Variants in RBP3 observed in about 807,000 individuals in gnomAD.
The protein encoded by RBP3 is retinol binding protein 3, also known as retinol-binding protein 3.
A neutral mutation model predicts 64.8 loss-of-function variants in RBP3; 50 were observed. The ratio of observed to expected loss-of-function variants is 0.77; its 90% CI spans 0.61 to 0.98. RBP3 has a LOEUF of 0.98. Among genes scored for constraint, RBP3 ranks in the 50% least tolerant of loss-of-function variants. The probability of loss-of-function intolerance (pLI) is 0.00; values close to 1 mark genes in which losing one functional copy is unlikely to be tolerated. For synonymous variants in RBP3, 828 were observed against 730.2 expected, an observed-to-expected ratio of 1.13 and a Z score of -2.16; for missense variants, 1,712 against 1,660.5, an observed-to-expected ratio of 1.03 and a Z score of -0.54.
chr10:47,357,163 C>T lies in RBP3; in HGVS notation c.3450C>T (p.Thr1150=), dbSNP rs555982757. 19 of 1,613,570 alleles carry T rather than the reference C, an allele frequency of 1.2e-5. No homozygotes were observed. In the East Asian group the frequency reaches 1.8e-4, roughly 15 times the overall value. The change falls in exon 4 of 4, where the codon ACC becomes ACT. Residue 1150 remains threonine (T), a synonymous_variant. Coordinates refer to ENST00000584701, the MANE Select transcript of RBP3 (RefSeq NM_002900.3). The stretch of plus-strand genomic sequence containing the variant: ...TGACCAGCAGTGTGACGGCCGGCAC[C>T]GCGGAGGAGTTCACCTATATCATGA... ...VILTSSVTAG[T]AEEFTYIMKR...
At chr10:47,355,807 T>G (rs1837039387) in intron 3 of RBP3, among the ~76,000 whole-genome samples, 1 of 152,116 alleles carries the variant, frequency 6.6e-6, no homozygotes. Context: ...ATACCAAAAT[T>G]TCCCCCAGGC....
rs267602497 is a variant in RBP3, at chr10:47,349,564, C to T, written c.1080C>T (p.Ser360=). The change falls in exon 1 of 4, where the codon TCC becomes TCT. Residue 360 remains serine, a synonymous_variant. Coordinates refer to ENST00000584701, the MANE Select transcript of RBP3 (RefSeq NM_002900.3). ...LLQHLASMDF[S]TVVSEEDLVT... is the part of the protein sequence containing the mutation. The stretch of plus-strand genomic sequence containing the variant: ...AGCACTTGGCCAGCATGGACTTCTC[C>T]ACGGTGGTCTCCGAGGAAGATCTGG... The T allele has an allele frequency of 6.2e-7, 1 of 1,613,018 alleles. No individual in the cohort carries two copies. The highest frequency in any genetic ancestry group is 8.5e-7 in the Non-Finnish European group (1 of 1,180,020).
intron 1 of RBP3, 117 bp from the exon 2 acceptor site, chr10:47,353,208 C>A: frequency 1.1e-6 from 1 of 933,538 alleles, no homozygotes. Flanking sequence ...TCTACTAATT[C>A]CTTCAGAAAT....
chr10:47,349,062 T>C lies in RBP3; in HGVS notation c.578T>C (p.Ile193Thr), dbSNP rs1836900547. Residue 193 changes from isoleucine to threonine, a missense_variant, in exon 1 of 4, where the codon ATC (isoleucine) becomes ACC (threonine). Transcript: ENST00000584701. ...TCCTACCTGCACCCAGGGAACACCA[T>C]CCTGCACGTGGACACTATCTACAAC... ...IISYLHPGNT[I>T]LHVDTIYNRP... The C allele has an allele frequency of 1.2e-6, 2 of 1,613,812 alleles. No individual in the cohort carries two copies. The highest frequency in any genetic ancestry group is 2.2e-5 in the East Asian group (1 of 44,872).
chr10:47,349,952 C>A lies in RBP3; in HGVS notation c.1468C>A (p.Pro490Thr), dbSNP rs1836933240. The change falls in exon 1 of 4, where the codon CCC (proline) becomes ACC (threonine). Residue 490 changes from proline (P) to threonine (T), a missense_variant. Transcript: ENST00000584701. The stretch of plus-strand genomic sequence containing the variant: ...CCCTGGAGGGCCATCCTCTGCTGTG[C>A]CCCTGCTCCTGTCCTACTTCCAGGG... ...HNPGGPSSAV[P>T]LLLSYFQGPE... 6.2e-7 allele frequency: 1 copy of A among 1,612,498 alleles called. No homozygotes were observed.
Position 47,349,509 on chromosome 10 carries a change from C to G in RBP3, c.1025C>G (p.Thr342Arg). 1 of 1,613,020 alleles carries G rather than the reference C, an allele frequency of 6.2e-7. No individual in the cohort carries two copies. Among genetic ancestry groups the G allele is most frequent in the Non-Finnish European group, 8.5e-7 (1 of 1,180,018 alleles). The change falls in exon 1 of 4, where the codon ACG (threonine) becomes AGG (arginine). Residue 342 changes from threonine (T) to arginine (R), a missense_variant. Thr to Arg is a moderately conservative substitution (Grantham distance 71, BLOSUM62 -1). Coordinates refer to ENST00000584701, the MANE Select transcript of RBP3 (RefSeq NM_002900.3). ...CAGGAGGTCCTGAAGGACTACTACA[C>G]GCTGGTGGACCGTGTGCCCACCCTG... Reference protein sequence around the residue: ...CLQEVLKDYYTLVDRVPTLLQ... With the variant: ...CLQEVLKDYYRLVDRVPTLLQ...
chr10:47,353,887 G>A (rs782186323), intron 2 of RBP3, among the ~76,000 whole-genome samples: 7 of 152,184 alleles, frequency 4.6e-5, no homozygotes, highest in Admixed American at 1.3e-4. Context: ...GGACAGGCCC[G>A]ATAATCTCTA....
chr10:47,357,736 T>A lies in RBP3; in HGVS notation c.*279T>A, dbSNP rs555829433. On this transcript the variant is annotated 3_prime_UTR_variant, in exon 4 of 4. Coordinates refer to ENST00000584701, the MANE Select transcript of RBP3 (RefSeq NM_002900.3). ...TAAGTGGTAGAACTTGGGGTGGTATTTTTACCTTCCTTCTTCATACTTTGC... is the reference window on the plus strand; with the variant it reads ...TAAGTGGTAGAACTTGGGGTGGTATATTTACCTTCCTTCTTCATACTTTGC... The A allele has an allele frequency of 3.1e-6, 1 of 326,150 alleles. No individual in the cohort carries two copies. Among genetic ancestry groups the A allele is most frequent in the Non-Finnish European group, 5.6e-6 (1 of 179,140 alleles). The allele number at this position is 326,150 out of a possible 1,614,324, so 20.2% of individuals were successfully genotyped here.
intron 3 of RBP3, among the ~76,000 whole-genome samples, chr10:47,356,234 G>T (rs1263188278): frequency 7.2e-5 from 11 of 152,140 alleles, no homozygotes; most frequent in African/African-American, 2.7e-4. Context: ...CAGGCATTTT[G>T]CTGTAGCTCC....
At chr10:47,353,303 G>A (rs1555211773) in intron 1 of RBP3, 22 bp from the exon 2 acceptor site, 1 of 1,613,326 alleles carries the variant, frequency 6.2e-7, no homozygotes. Context: ...CTGACACTGA[G>A]TAGGACCTCC....
rs1232735514 is a variant in RBP3 at position 47,350,786 on chromosome 10, G to A, written c.2302G>A (p.Val768Ile). 7 of 1,613,110 alleles carry A rather than the reference G, an allele frequency of 4.3e-6. No individual in the cohort carries two copies. Among genetic ancestry groups the A allele is most frequent in the Non-Finnish European group, 5.9e-6 (7 of 1,180,020 alleles). ...KAVGPQLVRL[V>I]WQQLVDTAAL... ...CGTGGGGCCACAGCTGGTGCGGCTGGTATGGCAACAGCTGGTGGACACGGC... is the reference window on the plus strand; with the variant it reads ...CGTGGGGCCACAGCTGGTGCGGCTGATATGGCAACAGCTGGTGGACACGGC... Residue 768 changes from valine to isoleucine, a missense_variant, in exon 1 of 4, where the codon GTA (valine) becomes ATA (isoleucine). Coordinates refer to ENST00000584701, the MANE Select transcript of RBP3 (RefSeq NM_002900.3).
Position 47,348,985 on chromosome 10 carries a change from G to A in RBP3, c.501G>A (p.Leu167=), listed in dbSNP as rs1836898481. 1.2e-6 allele frequency: 2 copies of A among 1,613,998 alleles called. No individual in the cohort carries two copies. The highest frequency in any genetic ancestry group is 1.7e-6 in the Non-Finnish European group (2 of 1,180,022). Reference sequence around the variant, plus strand: ...TCATGGGCACCTCCGCCTTAGTGCTGGATCTCCGGCACTGCACAGGAGGCC... The same window carrying A: ...TCATGGGCACCTCCGCCTTAGTGCTAGATCTCCGGCACTGCACAGGAGGCC... ...GNLMGTSALV[L]DLRHCTGGQV... Residue 167 remains leucine, a synonymous_variant, in exon 1 of 4, where the codon CTG becomes CTA. Coordinates refer to ENST00000584701, the MANE Select transcript of RBP3 (RefSeq NM_002900.3).
chr10:47,356,467 G>A (rs991495076), intron 3 of RBP3, among the ~76,000 whole-genome samples: 1 of 152,278 alleles, frequency 6.6e-6, no homozygotes, highest in Admixed American at 6.5e-5. Flanking sequence ...GAAGTGTGAT[G>A]TGCTGGAAGT....
intron 1 of RBP3, among the ~76,000 whole-genome samples, chr10:47,352,283 C>A (rs1158441477): frequency 1.2e-4 from 18 of 152,200 alleles, no homozygotes; most frequent in Non-Finnish European, 2.5e-4. Flanking sequence ...CCAGGCATAG[C>A]CCTCTGCAGG....
chr10:47,351,362 A>G lies in RBP3; in HGVS notation c.2878A>G (p.Lys960Glu). 1 of 1,613,570 alleles carries G rather than the reference A, an allele frequency of 6.2e-7. No homozygotes were observed. ...CTATGCCTCTGCCGAGCTGGGGGCC[A>G]AGATGGCCACCAAACTGAGCGGTCT... The part of the protein sequence containing the change: ...DNYASAELGA[K>E]MATKLSGLQS... Residue 960 changes from lysine (K) to glutamate (E), a missense_variant, in exon 1 of 4, where the codon AAG (lysine) becomes GAG (glutamate). Coordinates refer to ENST00000584701, the MANE Select transcript of RBP3 (RefSeq NM_002900.3).
In RBP3 at chr10:47,357,624, G is replaced by A; in HGVS notation, c.*167G>A. The A allele has an allele frequency of 1.7e-6, 1 of 595,620 alleles. No individual in the cohort carries two copies. The highest frequency in any genetic ancestry group is 3.0e-6 in the Non-Finnish European group (1 of 333,556). 36.9% of individuals were successfully genotyped at this position (595,620 alleles called of 1,614,324 possible). ...TGTGTATATATACACACACACACAT[G>A]TATATACACATATATATGTGTATGT... On this transcript the variant is annotated 3_prime_UTR_variant, in exon 4 of 4. Coordinates refer to ENST00000584701, the MANE Select transcript of RBP3 (RefSeq NM_002900.3).
rs782331853 is a variant in RBP3, at chr10:47,350,773, G to T, written c.2289G>T (p.Gln763His). 1 of 1,612,964 alleles carries T rather than the reference G, an allele frequency of 6.2e-7. No homozygotes were observed. ...AGACAGTGAAGGCCGTGGGGCCACA[G>T]CTGGTGCGGCTGGTATGGCAACAGC... ...ELETVKAVGP[Q>H]LVRLVWQQLV... The change falls in exon 1 of 4, where the codon CAG becomes CAT. Residue 763 changes from glutamine to histidine, a missense_variant. By Grantham distance (24) the Gln-to-His change is conservative (BLOSUM62 0). Transcript: ENST00000584701.
intron 2 of RBP3, 40 bp downstream of exon 2, chr10:47,353,555 G>A (rs782058780): frequency 5.0e-6 from 8 of 1,602,774 alleles, no homozygotes; most frequent in African/African-American, 4.0e-5. Flanking sequence ...CCAGGACGCA[G>A]GGCTGCCAGG....
At position 47,357,753 on chromosome 10, in the gene RBP3, A is replaced by C. The variant is rs1555212112; in HGVS notation, c.*296A>C. 3.4e-6 allele frequency: 1 copy of C among 291,434 alleles called. No homozygotes were observed. The highest frequency in any genetic ancestry group is 6.4e-6 in the Non-Finnish European group (1 of 157,066). The allele number at this position is 291,434 out of a possible 1,614,324, so 18.1% of individuals were successfully genotyped here. On this transcript the variant is annotated 3_prime_UTR_variant, in exon 4 of 4. Coordinates refer to ENST00000584701, the MANE Select transcript of RBP3 (RefSeq NM_002900.3). ...GGTGGTATTTTTACCTTCCTTCTTCATACTTTGCTCTTTTTCTTAAATACT... is the reference window on the plus strand; with the variant it reads ...GGTGGTATTTTTACCTTCCTTCTTCCTACTTTGCTCTTTTTCTTAAATACT...
Sources: allele counts gnomAD v4.1 joint callset (sites outside exome capture counted in the v4.1 genomes callset), GRCh38; gene constraint gnomAD v4.1.1; transcripts MANE v1.5; gene names NCBI Gene and HGNC (gene_info 2026-07-23, HGNC 2026-07-21).